Variants in CHST8 observed in about 807,000 individuals in gnomAD.
The protein encoded by CHST8 is carbohydrate sulfotransferase 8.
CHST8 carries 10 observed loss-of-function variants against 15.0 expected under a neutral mutation model. The observed-to-expected ratio is 0.67, with a 90% confidence interval of 0.41 to 1.13. The LOEUF (loss-of-function observed/expected upper bound fraction) is 1.13, where lower values mean the gene tolerates loss of function less well. Ranked by LOEUF, CHST8 falls within the 50% of genes most tolerant of loss-of-function variation. The pLI is 0.00. For missense variants in CHST8, 634 were observed against 608.2 expected (o/e 1.04, Z -0.45); for synonymous variants, 259 against 256.6 (o/e 1.01, Z -0.09).
At chr19:33,760,195 T>C (rs1974687062) in intron 3 of CHST8, among the ~76,000 whole-genome samples, 1 of 132,878 alleles carries the variant, frequency 7.5e-6, no homozygotes. Context: ...CTCCTGGGCC[T>C]TAGGAGGTAA....
intron 3 of CHST8, among the ~76,000 whole-genome samples, chr19:33,746,431 G>T (rs1416651966): frequency 6.6e-6 from 1 of 152,234 alleles, no homozygotes; most frequent in East Asian, 1.9e-4. Flanking sequence ...TTTTACATAA[G>T]TGAGATCCTA....
At chr19:33,743,665 G>A (rs1194590662) in intron 3 of CHST8, among the ~76,000 whole-genome samples, 1 of 152,136 alleles carries the variant, frequency 6.6e-6, no homozygotes, top group Non-Finnish European at 1.5e-5. Context: ...ACGTATCTGA[G>A]AGCCATCTAG....
intron 3 of CHST8, among the ~76,000 whole-genome samples, chr19:33,704,494 T>C (rs1439503088): frequency 6.6e-6 from 1 of 152,062 alleles, no homozygotes; most frequent in Non-Finnish European, 1.5e-5. Context: ...GAGGGGGAAG[T>C]GGACAGACAG....
rs57718433 is a variant in CHST8 at position 33,695,821 on chromosome 19, C to CTTTCTTTCTTTCT, written c.130+6433_130+6434insCTTTCTTTCTTTT. The stretch of plus-strand genomic sequence containing the variant: ...TTTCTTTTTCTTTCTTTCTTTCTTT[C>CTTTCTTTCTTTCT]TTTTTTTTTTTTTTTTTTTTTGAGA... On this transcript the variant is annotated intron_variant, in intron 3 of 4. Transcript: ENST00000650847. 1.4e-4 allele frequency among the ~76,000 whole-genome samples: 11 copies of CTTTCTTTCTTTCT among 76,228 alleles called. 1 individual carries two copies. Among genetic ancestry groups the CTTTCTTTCTTTCT allele is most frequent in the East Asian group, 4.0e-4 (1 of 2,528 alleles). 50.0% of individuals were successfully genotyped at this position (76,228 alleles called of 152,430 possible).
At chr19:33,688,995 A>C (rs1973041521) in intron 2 of CHST8, among the ~76,000 whole-genome samples, 181 bp from the exon 3 acceptor site, 1 of 152,126 alleles carries the variant, frequency 6.6e-6, no homozygotes, top group African/African-American at 2.4e-5. Context: ...CATTCCAGCC[A>C]CAGGTGGGAA....
rs565375046 is a variant in CHST8, at chr19:33,692,929, C to G, written c.130+3538C>G. Among the ~76,000 whole-genome samples, 203 of 152,294 alleles carry G rather than the reference C, an allele frequency of 1.3e-3. 1 individual carries two copies. The highest frequency in any genetic ancestry group is 4.8e-3 in the African/African-American group (198 of 41,568). On this transcript the variant is annotated intron_variant, in intron 3 of 4. Coordinates refer to ENST00000650847, the MANE Select transcript of CHST8 (RefSeq NM_001127895.2). Reference sequence around the variant, plus strand: ...GCCCCATCCATAGCACCATCCACTTCCCTCCTTTCATGTGATTTTTGAAGT... The same window carrying G: ...GCCCCATCCATAGCACCATCCACTTGCCTCCTTTCATGTGATTTTTGAAGT...
intron 2 of CHST8, among the ~76,000 whole-genome samples, chr19:33,669,466 T>A (rs372095905): frequency 6.6e-6 from 1 of 152,320 alleles, no homozygotes; most frequent in East Asian, 1.9e-4. Context: ...TAATGTTGGA[T>A]CAAGATCATG....
At chr19:33,736,650 G>C (rs1352585031) in intron 3 of CHST8, among the ~76,000 whole-genome samples, 2 of 152,092 alleles carry the variant, frequency 1.3e-5, no homozygotes, top group Non-Finnish European at 2.9e-5. Context: ...ATGTGTCAGG[G>C]GCAGCCAGGA....
chr19:33,712,999 T>C (rs1973589131), intron 3 of CHST8, among the ~76,000 whole-genome samples: 1 of 152,068 alleles, frequency 6.6e-6, no homozygotes, highest in African/African-American at 2.4e-5. Context: ...GGCCAACCCA[T>C]GTGGCCCTCG....
At chr19:33,712,161 C>T (rs1025059920) in intron 3 of CHST8, among the ~76,000 whole-genome samples, 3 of 152,222 alleles carry the variant, frequency 2.0e-5, no homozygotes, top group Non-Finnish European at 4.4e-5. Context: ...TTTCTGGCCT[C>T]TGCACTGACC....
At chr19:33,722,353 TGATG>T (rs748333273) in intron 3 of CHST8, among the ~76,000 whole-genome samples, 31 of 151,768 alleles carry the variant, frequency 2.0e-4, no homozygotes, top group Non-Finnish European at 4.3e-4. Flanking sequence ...GTGGACAGAC[TGATG>T]GATGGACGGA....
chr19:33,719,957 A>C (rs1973751188), intron 3 of CHST8, among the ~76,000 whole-genome samples: 1 of 152,118 alleles, frequency 6.6e-6, no homozygotes, highest in South Asian at 2.1e-4. Flanking sequence ...GAAAGGCTTC[A>C]GGCCACACAC....
rs564703244 is a variant in CHST8, at chr19:33,703,261, G to A, written c.130+13870G>A. Reference sequence around the variant, plus strand: ...CTGGAGACATCCAGTGGGTTGAAACGGGGCACACCCACTGCCAGCATGAAG... The same window carrying A: ...CTGGAGACATCCAGTGGGTTGAAACAGGGCACACCCACTGCCAGCATGAAG... On this transcript the variant is annotated intron_variant, in intron 3 of 4. Coordinates refer to ENST00000650847, the MANE Select transcript of CHST8 (RefSeq NM_001127895.2). 3.3e-5 allele frequency among the ~76,000 whole-genome samples: 5 copies of A among 152,308 alleles called. No homozygotes were observed. The East Asian group carries it at 5.8e-4, about 18-fold the overall frequency.
At chr19:33,677,975 G>A (rs1381150344) in intron 2 of CHST8, among the ~76,000 whole-genome samples, 1 of 152,202 alleles carries the variant, frequency 6.6e-6, no homozygotes, top group Admixed American at 6.5e-5. Flanking sequence ...GACAGGTGTT[G>A]AGATGGGGAG....
chr19:33,757,508 A>G (rs1361668563), intron 3 of CHST8, among the ~76,000 whole-genome samples: 536 of 46,250 alleles, frequency 0.012, 107 homozygotes, highest in Middle Eastern at 0.03. Flanking sequence ...GAAAGAAAGA[A>G]AGAAAGAAAG....
chr19:33,680,130 C>T lies in CHST8; in HGVS notation c.-86-9046C>T, dbSNP rs187381167. Among the ~76,000 whole-genome samples, 9 of 152,338 alleles carry T rather than the reference C, an allele frequency of 5.9e-5. 1 individual carries two copies. The East Asian group carries it at 7.7e-4, about 13-fold the overall frequency. On this transcript the variant is annotated intron_variant, in intron 2 of 4. Coordinates refer to ENST00000650847, the MANE Select transcript of CHST8 (RefSeq NM_001127895.2). ...ACATTGTGCACCCCAAACTCCATCT[C>T]GGTATCTCCTTACAGAGAACCAAAC...
At chr19:33,771,702 G>A (rs985782613) in intron 4 of CHST8, among the ~76,000 whole-genome samples, 2 of 152,048 alleles carry the variant, frequency 1.3e-5, no homozygotes, top group African/African-American at 4.8e-5. Flanking sequence ...ACCTATTCCC[G>A]CCACCCTCTC....
Position 33,772,029 on chromosome 19 carries a change from A to C in CHST8, c.241A>C (p.Ser81Arg), listed in dbSNP as rs1974995205. 2.5e-6 allele frequency: 4 copies of C among 1,611,826 alleles called. No homozygotes were observed. The highest frequency in any genetic ancestry group is 3.4e-6 in the Non-Finnish European group (4 of 1,179,544). ...PTERVTRDLS[S>R]GAPRGRNLPA... The stretch of plus-strand genomic sequence containing the variant: ...AGAGAGGGTCACTCGGGACTTATCC[A>C]GTGGGGCCCCGAGGGGCCGCAACCT... The change falls in exon 5 of 5, where the codon AGT becomes CGT. Residue 81 changes from serine (S) to arginine (R), a missense_variant. Transcript: ENST00000650847.
chr19:33,625,655 A>G (rs1369686900), intron 1 of CHST8, among the ~76,000 whole-genome samples: 1 of 152,016 alleles, frequency 6.6e-6, no homozygotes, highest in East Asian at 2.0e-4. Flanking sequence ...TGAGGTCAGG[A>G]GTTTGAGACC....
Sources: allele counts gnomAD v4.1 joint callset (sites outside exome capture counted in the v4.1 genomes callset), GRCh38; gene constraint gnomAD v4.1.1; transcripts MANE v1.5; gene names NCBI Gene and HGNC (gene_info 2026-07-23, HGNC 2026-07-21).